WNT7B: variants seen among roughly 807,000 people sequenced by gnomAD.
WNT7B encodes the protein protein Wnt-7b.
A neutral mutation model predicts 38.2 loss-of-function variants in WNT7B; 19 were observed. The observed-to-expected ratio is 0.50, with a 90% CI of 0.35 to 0.73. The LOEUF (loss-of-function observed/expected upper bound fraction) is 0.73, where lower values mean the gene tolerates loss of function less well. WNT7B is among the 30% of genes least tolerant of loss of function. WNT7B has a pLI of 0.01. For missense variants in WNT7B, 423 were observed against 507.9 expected, an observed-to-expected ratio of 0.83 and a Z score of 1.61; for synonymous variants, 243 against 209.3, an observed-to-expected ratio of 1.16 and a Z score of -1.39.
At chr22:45,950,267 G>A (rs1381810832) in intron 1 of WNT7B, 121 bp from the exon 2 acceptor site, 1 of 827,068 alleles carries the variant, frequency 1.2e-6, no homozygotes, top group Non-Finnish European at 1.9e-6. Flanking sequence ...CGCCCACCAG[G>A]GCACAAGCAG....
rs568926890 is a variant in WNT7B at position 45,977,128 on chromosome 22, A to C, written c.-374T>G. 1.4e-3 allele frequency: 871 copies of C among 612,918 alleles called. 7 individuals are homozygous for C. Among genetic ancestry groups the C allele is most frequent in the African/African-American group, 0.014 (672 of 49,770 alleles). The allele number at this position is 612,918 out of a possible 1,614,324, so 38.0% of individuals were successfully genotyped here. A position where few individuals can be genotyped will look rare whatever the true frequency, so the allele number is the denominator to read the frequency against. On this transcript the variant is annotated 5_prime_UTR_variant, in exon 1 of 4. Coordinates refer to ENST00000339464, the MANE Select transcript of WNT7B (RefSeq NM_058238.3). ...GCCTCGCCGAGCGCCGCGGCGGCCA[A>C]TGTGTCCGCACTTGTCGGCCGCCCC... is the stretch of plus-strand genomic sequence containing the variant.
At chr22:45,973,159 C>G (rs1482195471) in intron 1 of WNT7B, among the ~76,000 whole-genome samples, 1 of 152,250 alleles carries the variant, frequency 6.6e-6, no homozygotes, top group East Asian at 1.9e-4. Context: ...CCCCATCCTG[C>G]TTCTTTTGCT....
Position 45,966,365 on chromosome 22 carries a change from G to A in WNT7B, c.71+10319C>T, listed in dbSNP as rs910013775. ...CTGGCCACGCCAATACCCACTGCGCGGAGGCCAGCTGAGACACCACCAGTC... is the reference window on the plus strand; with the variant it reads ...CTGGCCACGCCAATACCCACTGCGCAGAGGCCAGCTGAGACACCACCAGTC... On this transcript the variant is annotated intron_variant, in intron 1 of 3. Transcript: ENST00000339464. This position sits in a 1 kb window ranked among gnomAD's most constrained non-coding sequence, Gnocchi z 4.2. Among the ~76,000 whole-genome samples the A allele has an allele frequency of 6.6e-6, 1 of 152,222 alleles. No homozygotes were observed. The highest frequency in any genetic ancestry group is 1.5e-5 in the Non-Finnish European group (1 of 68,028).
intron 1 of WNT7B, among the ~76,000 whole-genome samples, chr22:45,968,646 A>T (rs1299570921): frequency 2.0e-5 from 3 of 152,166 alleles, no homozygotes; most frequent in African/African-American, 7.2e-5. Flanking sequence ...CAGGATGCAC[A>T]TTCTCCCCTT....
intron 3 of WNT7B, 87 bp downstream of exon 3, chr22:45,931,011 C>G: frequency 1.4e-6 from 2 of 1,455,176 alleles, no homozygotes; most frequent in Non-Finnish European, 1.8e-6. Context: ...ACTGCTTCTG[C>G]TAGAAGAGGA....
chr22:45,944,294 C>T (rs1353009088), intron 2 of WNT7B, among the ~76,000 whole-genome samples: 1 of 152,224 alleles, frequency 6.6e-6, no homozygotes, highest in African/African-American at 2.4e-5. Context: ...ACTGGAGGAC[C>T]AGCAGCCGCC....
In WNT7B at chr22:45,922,998, C is replaced by T; in HGVS notation, c.908G>A (p.Gly303Asp). 6.2e-7 allele frequency: 1 copy of T among 1,613,048 alleles called. No homozygotes were observed. Among genetic ancestry groups the T allele is most frequent in the Non-Finnish European group, 8.5e-7 (1 of 1,179,726 alleles). Residue 303 changes from glycine (G) to aspartate (D), a missense_variant, in exon 4 of 4, where the codon GGC becomes GAC. Physicochemically the swap from Gly to Asp is moderately conservative, Grantham distance 94. Transcript: ENST00000339464. Reference sequence around the variant, plus strand: ...TCGGCCGCAGCACATGGTGTCACAGCCGTCCGCGCCGGGCGACGTGCGGTT... The same window carrying T: ...TCGGCCGCAGCACATGGTGTCACAGTCGTCCGCGCCGGGCGACGTGCGGTT... Reference protein sequence around the residue: ...LCNRTSPGADGCDTMCCGRGY... With the variant: ...LCNRTSPGADDCDTMCCGRGY...
intron 3 of WNT7B, chr22:45,926,149 C>T (rs1190118164): frequency 1.0e-6 from 1 of 985,324 alleles, no homozygotes; most frequent in Non-Finnish European, 1.2e-6. Context: ...TGGCTGGATC[C>T]CTTGGGTCAG....
chr22:45,943,085 G>A (rs1347933405), intron 2 of WNT7B, among the ~76,000 whole-genome samples: 1 of 151,966 alleles, frequency 6.6e-6, no homozygotes, highest in African/African-American at 2.4e-5. Context: ...GTGCACGTGT[G>A]TGCGTGTGTT....
chr22:45,941,371 T>C (rs565707709), intron 2 of WNT7B, among the ~76,000 whole-genome samples: 86 of 151,846 alleles, frequency 5.7e-4, no homozygotes, highest in African/African-American at 1.9e-3. Flanking sequence ...ATTAGTCTGG[T>C]GTGGTGGCAG....
chr22:45,955,423 G>T (rs554787267), intron 1 of WNT7B, among the ~76,000 whole-genome samples: 34 of 152,336 alleles, frequency 2.2e-4, no homozygotes, highest in African/African-American at 7.7e-4. Flanking sequence ...TGGGGCCACT[G>T]GGGAGCGTGG....
intron 3 of WNT7B, chr22:45,926,177 G>T (rs1457170060): frequency 1.2e-5 from 12 of 985,324 alleles, no homozygotes; most frequent in African/African-American, 3.5e-5. Flanking sequence ...CCCAGGAAGT[G>T]ATCACAGGGT....
intron 3 of WNT7B, among the ~76,000 whole-genome samples, chr22:45,930,037 C>T (rs1204204101): frequency 6.6e-6 from 1 of 151,302 alleles, no homozygotes. Flanking sequence ...AAAGTCAAAC[C>T]CCTGGCCTGG....
intron 2 of WNT7B, among the ~76,000 whole-genome samples, chr22:45,939,258 C>T (rs1324951245): frequency 6.6e-6 from 1 of 152,186 alleles, no homozygotes; most frequent in African/African-American, 2.4e-5. Flanking sequence ...AACGTAGGGT[C>T]ACCATGTGAC....
intron 1 of WNT7B, among the ~76,000 whole-genome samples, chr22:45,956,425 C>G (rs146278452): frequency 3.9e-5 from 6 of 152,190 alleles, no homozygotes; most frequent in Non-Finnish European, 4.4e-5. Flanking sequence ...CAGCCTCCCC[C>G]GGGAGATCAG....
At position 45,951,801 on chromosome 22, in the gene WNT7B, T is replaced by C. The variant is rs1027546544; in HGVS notation, c.72-1655A>G. On this transcript the variant is annotated intron_variant, in intron 1 of 3. Coordinates refer to ENST00000339464, the MANE Select transcript of WNT7B (RefSeq NM_058238.3). This position sits in a 1 kb window ranked among gnomAD's most constrained non-coding sequence, Gnocchi z 4.8. The stretch of plus-strand genomic sequence containing the variant: ...TCCATTCATGGCTGGGCATTTCGGC[T>C]GCTTCCACCTTTGGACTACTGTGAG... Among the ~76,000 whole-genome samples the C allele has an allele frequency of 1.3e-5, 2 of 152,232 alleles. No homozygotes were observed. Among genetic ancestry groups the C allele is most frequent in the African/African-American group, 4.8e-5 (2 of 41,464 alleles).
At chr22:45,941,152 CAG>C (rs1354922794) in intron 2 of WNT7B, among the ~76,000 whole-genome samples, 4 of 152,162 alleles carry the variant, frequency 2.6e-5, no homozygotes, top group African/African-American at 7.2e-5. Context: ...TGCCAGGTCT[CAG>C]AGTCTCAGCG....
chr22:45,927,240 G>A, intron 3 of WNT7B: 1 of 985,424 alleles, frequency 1.0e-6, no homozygotes, highest in South Asian at 4.7e-5. Context: ...CAAAACCTCA[G>A]GGGCTGCTCT....
intron 2 of WNT7B, among the ~76,000 whole-genome samples, chr22:45,941,189 G>A (rs1931637418): frequency 6.6e-6 from 1 of 152,214 alleles, no homozygotes; most frequent in African/African-American, 2.4e-5. Flanking sequence ...TTAGCAAGTG[G>A]ATCGGGTGAG....
Sources: gnomAD v4.1 joint callset for allele counts (sites outside exome capture counted in the v4.1 genomes callset) on GRCh38, gnomAD v4.1.1 for gene constraint, Gnocchi (gnomAD v3.1) non-coding constraint, MANE v1.5 for transcripts, NCBI Gene and HGNC (gene_info 2026-07-23, HGNC 2026-07-21) for gene names.